Variants in PCDHGB3 observed in about 807,000 individuals in gnomAD.
PCDHGB3 encodes the protein protocadherin gamma-B3.
Under a neutral mutation model 59.2 loss-of-function variants are expected in PCDHGB3, and 40 were observed. The ratio of observed to expected loss-of-function variants is 0.68; its 90% CI spans 0.52 to 0.88. The LOEUF is 0.88. Ranked by LOEUF, PCDHGB3 falls within the 40% of genes least tolerant of loss-of-function variation. The pLI is 0.00. For synonymous variants in PCDHGB3, 581 were observed against 503.6 expected (o/e 1.15, Z -2.06); for missense variants, 1,309 against 1,187.9 (o/e 1.10, Z -1.50).
intron 3 of PCDHGB3, 125 bp downstream of exon 3, chr5:141,505,606 C>G: frequency 6.5e-7 from 1 of 1,528,642 alleles, no homozygotes; most frequent in Non-Finnish European, 8.8e-7. Flanking sequence ...TTCGGCAGGT[C>G]TGAAAGGACC....
rs758715682 is a variant in PCDHGB3, at chr5:141,490,062, C to T, written c.2416-4745C>T. The T allele has an allele frequency of 2.6e-5, 42 of 1,614,100 alleles. No individual in the cohort carries two copies. The highest frequency in any genetic ancestry group is 3.3e-5 in the South Asian group (3 of 91,086). On this transcript the variant is annotated intron_variant, in intron 1 of 3. Coordinates refer to ENST00000576222, the MANE Select transcript of PCDHGB3 (RefSeq NM_018924.5). The surrounding 1 kb of genome is among the most constrained non-coding windows in gnomAD (Gnocchi z 5.4). The stretch of plus-strand genomic sequence containing the variant: ...CCACTGATCCAGACGAGGGCACCAA[C>T]GGCCAACTAGACTATTCTTTTGGAG...
At chr5:141,504,570 AC>A (rs1468526948) in intron 2 of PCDHGB3, among the ~76,000 whole-genome samples, 1 of 148,874 alleles carries the variant, frequency 6.7e-6, no homozygotes, top group Admixed American at 6.9e-5. Flanking sequence ...ATTCTAGGGA[AC>A]ACCATCTGCC....
At chr5:141,403,577 C>T (rs1188693688) in intron 1 of PCDHGB3, 2 of 1,613,812 alleles carry the variant, frequency 1.2e-6, no homozygotes, top group South Asian at 1.1e-5. Context: ...AACTGCCCAC[C>T]ACCTGGTCCT....
At chr5:141,440,838 C>A (rs2098204954) in intron 1 of PCDHGB3, 1 of 152,102 alleles carries the variant, frequency 6.6e-6, no homozygotes, top group African/African-American at 2.4e-5. Context: ...TTGGTTGAAG[C>A]CAATGACAAC....
At chr5:141,403,390 G>A in intron 1 of PCDHGB3, 1 of 1,614,038 alleles carries the variant, frequency 6.2e-7, no homozygotes, top group Non-Finnish European at 8.5e-7. Context: ...ACGAAATCGC[G>A]GTTCCTGGAG....
chr5:141,376,374 G>T lies in PCDHGB3; in HGVS notation c.2415+3565G>T, dbSNP rs561821467. Reference sequence around the variant, plus strand: ...GAGGTCTCACTCACTGCAGACTCGCGTAAGAGTCATCTGATTTTCCCCCAG... The same window carrying T: ...GAGGTCTCACTCACTGCAGACTCGCTTAAGAGTCATCTGATTTTCCCCCAG... On this transcript the variant is annotated intron_variant, in intron 1 of 3. Transcript: ENST00000576222. The T allele has an allele frequency of 2.0e-5, 32 of 1,614,190 alleles. No homozygotes were observed. In the African/African-American group the frequency reaches 3.2e-4, roughly 16 times the overall value.
chr5:141,381,826 C>CTTTTTTTTTTT (rs770630741), intron 1 of PCDHGB3, among the ~76,000 whole-genome samples: 13 of 74,276 alleles, frequency 1.8e-4, no homozygotes, highest in South Asian at 5.1e-4. Flanking sequence ...CTTTCTTCTT[C>CTTTTTTTTTTT]TTTTTTTTTT....
chr5:141,389,379 C>G, intron 1 of PCDHGB3: 1 of 1,613,770 alleles, frequency 6.2e-7, no homozygotes, highest in Non-Finnish European at 8.5e-7. Context: ...GCAGCGGGAG[C>G]TGTCATCCTA....
chr5:141,422,800 C>A (rs1470748782), intron 1 of PCDHGB3: 1 of 1,614,094 alleles, frequency 6.2e-7, no homozygotes, highest in Non-Finnish European at 8.5e-7. Flanking sequence ...CGACTATGAG[C>A]AGTTTCGAGA....
chr5:141,372,926 G>C, intron 1 of PCDHGB3, 117 bp downstream of exon 1: 3 of 943,814 alleles, frequency 3.2e-6, no homozygotes, highest in Non-Finnish European at 4.6e-6. Context: ...TTGATTTTCT[G>C]GTGTAGAGTA....
At chr5:141,470,383 G>A (rs569789033) in intron 1 of PCDHGB3, among the ~76,000 whole-genome samples, 7 of 152,246 alleles carry the variant, frequency 4.6e-5, no homozygotes, top group South Asian at 2.1e-4. Context: ...AAGACTACTC[G>A]ATGATATTTA....
intron 1 of PCDHGB3, chr5:141,391,548 C>T (rs1045663791): frequency 6.6e-6 from 1 of 152,106 alleles, no homozygotes; most frequent in African/African-American, 2.4e-5. Flanking sequence ...ATTGTCTACC[C>T]AGTTTTCCAT....
At chr5:141,418,828 C>G in intron 1 of PCDHGB3, 1 of 1,613,978 alleles carries the variant, frequency 6.2e-7, no homozygotes, top group Non-Finnish European at 8.5e-7. Flanking sequence ...AAGCAAAAGA[C>G]CGAGGATCTC....
intron 1 of PCDHGB3, among the ~76,000 whole-genome samples, chr5:141,442,633 C>A (rs1210890820): frequency 6.6e-6 from 1 of 152,158 alleles, no homozygotes; most frequent in Admixed American, 6.5e-5. Flanking sequence ...AGCAGCAAGA[C>A]CAAAGGCCTA....
At position 141,511,237 on chromosome 5, in the gene PCDHGB3, TG is replaced by T; in HGVS notation, c.*65del. 1 of 1,590,378 alleles carries T rather than the reference TG, an allele frequency of 6.3e-7. No individual in the cohort carries two copies. Among genetic ancestry groups the T allele is most frequent in the Non-Finnish European group, 8.6e-7 (1 of 1,168,304 alleles). On this transcript the variant is annotated 3_prime_UTR_variant, in exon 4 of 4. Transcript: ENST00000576222. ...CCAACCAGCCCAGCTTCTCCTTACC[TG>T]CACCCAGGCCTCAGAGTTTCAGGGC...
intron 1 of PCDHGB3, chr5:141,420,076 TCCC>T: frequency 1.9e-6 from 3 of 1,613,956 alleles, no homozygotes; most frequent in Non-Finnish European, 2.5e-6. Context: ...GACCTGTGGG[TCCC>T]CCCAACTACA....
intron 1 of PCDHGB3, chr5:141,383,556 C>G: frequency 6.2e-7 from 1 of 1,612,766 alleles, no homozygotes; most frequent in Non-Finnish European, 8.5e-7. Flanking sequence ...ATGGCGGCGA[C>G]CCGCCCCGAT....
chr5:141,430,926 C>T, intron 1 of PCDHGB3: 1 of 1,607,426 alleles, frequency 6.2e-7, no homozygotes, highest in Non-Finnish European at 8.5e-7. Flanking sequence ...GGGCTGGAGC[C>T]CCGGGAGCTC....
chr5:141,393,481 C>T, intron 1 of PCDHGB3: 1 of 1,614,066 alleles, frequency 6.2e-7, no homozygotes. Context: ...CCGCCTCGCT[C>T]TAGCACAGTG....
Sources: gnomAD v4.1 joint callset for allele counts (sites outside exome capture counted in the v4.1 genomes callset) on GRCh38, gnomAD v4.1.1 for gene constraint, Gnocchi (gnomAD v3.1) non-coding constraint, MANE v1.5 for transcripts, NCBI Gene and HGNC (gene_info 2026-07-23, HGNC 2026-07-21) for gene names.